Variants in TP53BP2 observed in about 807,000 individuals in gnomAD.
TP53BP2 encodes the protein apoptosis-stimulating of p53 protein 2.
In TP53BP2, 62 loss-of-function variants were observed where a neutral mutation model predicts 126.2. The observed-to-expected ratio is 0.49, with a 90% CI of 0.40 to 0.61. The LOEUF is 0.61. TP53BP2 is among the 20% of genes least tolerant of loss of function. The pLI is 0.00. For synonymous variants in TP53BP2, 485 were observed against 502.9 expected (o/e 0.96, Z 0.48); for missense variants, 1,215 against 1,402.8 (o/e 0.87, Z 2.14).
At chr1:223,821,918 G>T (rs1186366785) in intron 1 of TP53BP2, among the ~76,000 whole-genome samples, 5 of 150,528 alleles carry the variant, frequency 3.3e-5, no homozygotes, top group African/African-American at 1.2e-4. Context: ...TGGAGACAGA[G>T]TCTCACTCCA....
chr1:223,780,605 A>C lies in TP53BP2; in HGVS notation c.*248T>G. 2.1e-6 allele frequency: 1 copy of C among 472,934 alleles called. No individual in the cohort carries two copies. The highest frequency in any genetic ancestry group is 3.8e-6 in the Non-Finnish European group (1 of 265,580). The allele number at this position is 472,934 out of a possible 1,614,324, so 29.3% of individuals were successfully genotyped here. A position where few individuals can be genotyped will look rare whatever the true frequency, so the allele number is the denominator to read the frequency against. The stretch of plus-strand genomic sequence containing the variant: ...AGGATTGTCGCTGTATACTTATCTG[A>C]GTGCTACACGGGACACCTTTGCCCC... On this transcript the variant is annotated 3_prime_UTR_variant, in exon 18 of 18. Transcript: ENST00000343537.
At chr1:223,831,475 A>AT (rs1558109322) in intron 1 of TP53BP2, among the ~76,000 whole-genome samples, 21 of 47,064 alleles carry the variant, frequency 4.5e-4, no homozygotes, top group Admixed American at 7.2e-4. Flanking sequence ...CTAAAAAAAA[A>AT]AAAAAATATA....
At chr1:223,843,849 C>G (rs538154365) in intron 1 of TP53BP2, among the ~76,000 whole-genome samples, 1 of 152,184 alleles carries the variant, frequency 6.6e-6, no homozygotes, top group Non-Finnish European at 1.5e-5. Context: ...ACACATATAA[C>G]ATGAGTCTAC....
chr1:223,783,273 C>T (rs2102827552), intron 17 of TP53BP2, among the ~76,000 whole-genome samples: 1 of 152,286 alleles, frequency 6.6e-6, no homozygotes, highest in East Asian at 1.9e-4. Context: ...CCTTCTGCAG[C>T]CTGGATATCC....
intron 12 of TP53BP2, among the ~76,000 whole-genome samples, chr1:223,797,421 G>GT (rs1248192792): frequency 2.6e-5 from 4 of 151,696 alleles, no homozygotes; most frequent in African/African-American, 4.8e-5. Flanking sequence ...ATGTACGTAT[G>GT]TATGTTTTTT....
At chr1:223,838,756 T>C (rs915438835) in intron 1 of TP53BP2, among the ~76,000 whole-genome samples, 1 of 152,178 alleles carries the variant, frequency 6.6e-6, no homozygotes, top group Non-Finnish European at 1.5e-5. Flanking sequence ...TTTACAGATA[T>C]CATCTCAGGA....
intron 3 of TP53BP2, among the ~76,000 whole-genome samples, chr1:223,812,365 CAACAGTTAGTTAATAA>C (rs577302527): frequency 7.4e-4 from 113 of 152,158 alleles, no homozygotes; most frequent in African/African-American, 2.5e-3. Flanking sequence ...TGCGTTAATG[CAACAGTTAGTTAATAA>C]AACTGAACTT....
chr1:223,831,480 A>ATATATATATAT (rs1553263390), intron 1 of TP53BP2, among the ~76,000 whole-genome samples: 2 of 32,464 alleles, frequency 6.2e-5, no homozygotes, highest in Admixed American at 4.9e-4. Context: ...AAAAAAAAAA[A>ATATATATATAT]ATATATATAT....
At chr1:223,845,599 G>A (rs1483026280) in intron 1 of TP53BP2, 55 bp downstream of exon 1, 3 of 1,511,650 alleles carry the variant, frequency 2.0e-6, no homozygotes, top group East Asian at 2.8e-5. Context: ...ACCAGCCCCC[G>A]GCACGCGACC....
chr1:223,821,061 T>TAG, intron 2 of TP53BP2, 159 bp downstream of exon 2: 6 of 845,338 alleles, frequency 7.1e-6, no homozygotes, highest in Non-Finnish European at 1.1e-5. Context: ...AGACTTCATG[T>TAG]ATCATACCAA....
intron 15 of TP53BP2, 96 bp downstream of exon 15, chr1:223,792,293 T>C (rs1233536539): frequency 1.6e-5 from 23 of 1,397,620 alleles, no homozygotes; most frequent in East Asian, 2.5e-5. Flanking sequence ...AGGACATAAC[T>C]GACATACTTC....
chr1:223,808,261 G>A (rs920639981), intron 4 of TP53BP2, among the ~76,000 whole-genome samples: 3 of 152,152 alleles, frequency 2.0e-5, no homozygotes, highest in African/African-American at 7.2e-5. Context: ...GGTGGCTCAC[G>A]CCTGTAATCC....
At chr1:223,787,148 G>A (rs894080675) in intron 16 of TP53BP2, among the ~76,000 whole-genome samples, 5 of 152,148 alleles carry the variant, frequency 3.3e-5, no homozygotes, top group African/African-American at 1.2e-4. Context: ...CACCTGCCTC[G>A]GCCTCCCAAA....
At chr1:223,836,389 T>C (rs1248445253) in intron 1 of TP53BP2, among the ~76,000 whole-genome samples, 1 of 152,216 alleles carries the variant, frequency 6.6e-6, no homozygotes, top group Non-Finnish European at 1.5e-5. Flanking sequence ...TTCCCACTAC[T>C]GTGCCATAGC....
At chr1:223,825,173 A>C (rs1312452279) in intron 1 of TP53BP2, among the ~76,000 whole-genome samples, 1 of 152,168 alleles carries the variant, frequency 6.6e-6, no homozygotes, top group Admixed American at 6.5e-5. Flanking sequence ...AGCTCCATAC[A>C]GTCAAAGGTT....
chr1:223,806,768 G>T, intron 5 of TP53BP2, 78 bp downstream of exon 5: 1 of 1,135,246 alleles, frequency 8.8e-7, no homozygotes, highest in Non-Finnish European at 1.3e-6. Context: ...AGGTTGCAGT[G>T]AGCCAAGATC....
chr1:223,801,676 C>A (rs1662529591), intron 9 of TP53BP2, among the ~76,000 whole-genome samples: 2 of 152,148 alleles, frequency 1.3e-5, no homozygotes, highest in African/African-American at 4.8e-5. Flanking sequence ...AAATTATCAG[C>A]AAATTCTCAC....
chr1:223,812,389 C>CT (rs11433217), intron 3 of TP53BP2, among the ~76,000 whole-genome samples: 8,036 of 151,658 alleles, frequency 0.053, 503 homozygotes, highest in East Asian at 0.13. Context: ...TAAAACTGAA[C>CT]TTTTTTTTTG....
At chr1:223,797,397 G>GT (rs1662360538) in intron 12 of TP53BP2, among the ~76,000 whole-genome samples, 2 of 147,846 alleles carry the variant, frequency 1.4e-5, no homozygotes, top group Admixed American at 1.3e-4. Context: ...ATACAGTAGA[G>GT]AATATATATA....
Sources: allele counts gnomAD v4.1 joint callset (sites outside exome capture counted in the v4.1 genomes callset), GRCh38; gene constraint gnomAD v4.1.1; transcripts MANE v1.5; gene names NCBI Gene and HGNC (gene_info 2026-07-23, HGNC 2026-07-21).